Variants in NRXN1 observed in about 807,000 individuals in gnomAD.
NRXN1 encodes the protein neurexin 1, also known as neurexin-1.
NRXN1 carries 39 observed loss-of-function variants against 150.9 expected under a neutral mutation model. That is an observed-to-expected ratio of 0.26 (90% confidence interval 0.20 to 0.34). The LOEUF (loss-of-function observed/expected upper bound fraction) is 0.34. Ranked by LOEUF, NRXN1 falls within the 10% of genes least tolerant of loss-of-function variation. The pLI is 1.00. For missense variants in NRXN1, 1,815 were observed against 1,949.9 expected, an observed-to-expected ratio of 0.93 and a Z score of 1.30; for synonymous variants, 924 against 757.0, an observed-to-expected ratio of 1.22 and a Z score of -3.62.
At chr2:50,648,943 C>T (rs2048979) in intron 5 of NRXN1, among the ~76,000 whole-genome samples, 67,631 of 151,732 alleles carry the variant, frequency 0.45, 15,320 homozygotes, top group East Asian at 0.58. Context: ...AAACATATAT[C>T]CATGTAAATC....
chr2:50,235,972 CACT>C (rs1204398624), intron 18 of NRXN1, among the ~76,000 whole-genome samples: 1 of 151,998 alleles, frequency 6.6e-6, no homozygotes, highest in Admixed American at 6.6e-5. Context: ...TAATAAAAGA[CACT>C]GTGCTTCTTT....
intron 21 of NRXN1, among the ~76,000 whole-genome samples, chr2:49,950,801 C>A (rs577567468): frequency 6.6e-6 from 1 of 152,010 alleles, no homozygotes; most frequent in African/African-American, 2.4e-5. Flanking sequence ...CTCATCTACC[C>A]AATTTGAATG....
chr2:50,819,536 G>A (rs1448701685), intron 5 of NRXN1, among the ~76,000 whole-genome samples: 1 of 152,070 alleles, frequency 6.6e-6, no homozygotes, highest in Non-Finnish European at 1.5e-5. Context: ...GCATAGGGAA[G>A]ATAGGGAGTT....
intron 12 of NRXN1, among the ~76,000 whole-genome samples, chr2:50,525,265 T>C (rs35335349): frequency 0.19 from 28,562 of 152,240 alleles, 3,605 homozygotes; most frequent in East Asian, 0.39. Context: ...TAGTTTTTGT[T>C]AGTACAGATT....
In NRXN1 at chr2:50,347,349, G is replaced by T. The variant is rs949941332; in HGVS notation, c.3365-110379C>A. 4.1e-6 allele frequency: 5 copies of T among 1,225,772 alleles called. No individual in the cohort carries two copies. The highest frequency in any genetic ancestry group is 5.2e-6 in the Non-Finnish European group (5 of 959,834). 75.9% of individuals were successfully genotyped at this position (1,225,772 alleles called of 1,614,324 possible). On this transcript the variant is annotated intron_variant, in intron 17 of 22. Transcript: ENST00000401669. This position sits in a 1 kb window ranked among gnomAD's most constrained non-coding sequence, Gnocchi z 4.9. ...AATTGTTTAAAGCTCCTCCTGGAAG[G>T]TCCTCACTTCTACATGACAGACATC...
At chr2:50,661,105 G>A (rs1344483102) in intron 5 of NRXN1, among the ~76,000 whole-genome samples, 6 of 151,872 alleles carry the variant, frequency 4.0e-5, no homozygotes, top group Non-Finnish European at 7.4e-5. Context: ...ATACTAGTAT[G>A]TACTTTTACT....
chr2:50,219,927 T>TTATATAA (rs1559114926), intron 18 of NRXN1, among the ~76,000 whole-genome samples: 3 of 72,476 alleles, frequency 4.1e-5, no homozygotes, highest in East Asian at 2.9e-4. Context: ...TCTCTCTATA[T>TTATATAA]TATATATATT....
intron 2 of NRXN1, among the ~76,000 whole-genome samples, chr2:50,954,552 G>C (rs1022810457): frequency 6.6e-6 from 1 of 152,194 alleles, no homozygotes; most frequent in Non-Finnish European, 1.5e-5. Flanking sequence ...GAAAGTTCCA[G>C]CAGAGCTGGG....
chr2:50,762,131 AC>A (rs1701873405), intron 5 of NRXN1, among the ~76,000 whole-genome samples: 1 of 151,352 alleles, frequency 6.6e-6, no homozygotes, highest in Non-Finnish European at 1.5e-5. Flanking sequence ...ATACACACAC[AC>A]ACACACACAC....
intron 21 of NRXN1, among the ~76,000 whole-genome samples, chr2:50,012,013 C>T (rs1355748861): frequency 6.6e-6 from 1 of 152,028 alleles, no homozygotes; most frequent in Admixed American, 6.6e-5. Flanking sequence ...GGATGTAAGG[C>T]AAACATAATA....
intron 2 of NRXN1, among the ~76,000 whole-genome samples, chr2:50,979,743 C>T (rs550509023): frequency 5.3e-5 from 8 of 152,222 alleles, no homozygotes; most frequent in East Asian, 1.9e-4. Flanking sequence ...AAGGATTCTA[C>T]GTATGCCATC....
In NRXN1 at chr2:50,472,413, T is replaced by C. The variant is rs200698497; in HGVS notation, c.3129A>G (p.Val1043=). 3.0e-4 allele frequency: 478 copies of C among 1,612,232 alleles called. No homozygotes were observed. Among genetic ancestry groups the C allele is most frequent in the Non-Finnish European group, 3.9e-4 (455 of 1,178,894 alleles). ...KETYKSLPKL[V]HAKEGFQGCL... is the part of the protein sequence containing the mutation. ...AGCCTTGAAAGCCTTCTTTGGCATG[T>C]ACAAGTTTTGGTAAGGATTTGTATG... The change falls in exon 16 of 23, where the codon GTA becomes GTG. Residue 1043 remains valine, a synonymous_variant. Transcript: ENST00000401669.
In NRXN1 at chr2:50,796,706, G is replaced by A. The variant is rs954422484; in HGVS notation, c.832+125163C>T. On this transcript the variant is annotated intron_variant, in intron 5 of 22. Coordinates refer to ENST00000401669, the MANE Select transcript of NRXN1 (RefSeq NM_001330078.2). ...ATCAGATTTCAAGGCCCAAAGTCCC[G>A]GCTCCCTCACATTAGTGATCAGATT... Among the ~76,000 whole-genome samples, 12 of 152,076 alleles carry A rather than the reference G, an allele frequency of 7.9e-5. No individual in the cohort carries two copies. In the East Asian group the frequency reaches 1.9e-3, roughly 24 times the overall value.
At chr2:50,216,969 CCTCCACAGA>C (rs2063445752) in intron 18 of NRXN1, among the ~76,000 whole-genome samples, 2 of 152,190 alleles carry the variant, frequency 1.3e-5, no homozygotes, top group South Asian at 4.1e-4. Flanking sequence ...GTTTTGTCAG[CCTCCACAGA>C]TGTGGCTAAA....
At chr2:50,336,935 G>C (rs74409254) in intron 17 of NRXN1, among the ~76,000 whole-genome samples, 3,118 of 152,164 alleles carry the variant, frequency 0.02, 119 homozygotes, top group African/African-American at 0.072. Flanking sequence ...ATTAGACAAA[G>C]TAAATCCAGA....
intron 19 of NRXN1, among the ~76,000 whole-genome samples, chr2:50,059,246 G>C (rs1410259841): frequency 1.3e-5 from 2 of 152,176 alleles, no homozygotes; most frequent in Non-Finnish European, 1.5e-5. Context: ...TTAGCAAAGA[G>C]ACTGGCAGCA....
At chr2:50,666,863 GATGATGATGATGATGA>G (rs1173921240) in intron 5 of NRXN1, among the ~76,000 whole-genome samples, 1 of 90,746 alleles carries the variant, frequency 1.1e-5, no homozygotes, top group African/African-American at 4.1e-5. Flanking sequence ...TGATGATGAT[GATGATGATGATGATGA>G]TGTGTGTGTG....
rs562947888 is a variant in NRXN1, at chr2:50,264,420, A to G, written c.3365-27450T>C. ...AGCATTTTCAAAGCAATATCCATGT[A>G]CAGGTAAACGACAAAGCAATCATTT... On this transcript the variant is annotated intron_variant, in intron 17 of 22. Transcript: ENST00000401669. 2.6e-5 allele frequency among the ~76,000 whole-genome samples: 4 copies of G among 152,264 alleles called. No homozygotes were observed. In the East Asian group the frequency reaches 7.7e-4, roughly 29 times the overall value.
chr2:50,137,483 A>G (rs1016866948), intron 18 of NRXN1, among the ~76,000 whole-genome samples: 2 of 152,122 alleles, frequency 1.3e-5, no homozygotes, highest in Non-Finnish European at 2.9e-5. Flanking sequence ...CATTTAGTCC[A>G]AATCTTGTTC....
Sources: allele counts gnomAD v4.1 joint callset (sites outside exome capture counted in the v4.1 genomes callset), GRCh38; gene constraint gnomAD v4.1.1; non-coding constraint Gnocchi (gnomAD v3.1); transcripts MANE v1.5; gene names NCBI Gene and HGNC (gene_info 2026-07-23, HGNC 2026-07-21).